Variants in MVD observed in about 807,000 individuals in gnomAD.
MVD encodes the protein diphosphomevalonate decarboxylase.
A neutral mutation model predicts 42.4 loss-of-function variants in MVD; 52 were observed. The observed-to-expected ratio is 1.23, with a 90% CI of 0.98 to 1.55. MVD has a LOEUF of 1.55. MVD is among the 40% of genes most tolerant of loss of function. The probability of loss-of-function intolerance (pLI) is 0.00; values close to 1 mark genes in which losing one functional copy is unlikely to be tolerated. For synonymous variants in MVD, 287 were observed against 243.2 expected (o/e 1.18, Z -1.68); for missense variants, 663 against 572.1 (o/e 1.16, Z -1.62).
intron 4 of MVD, chr16:88,656,520 C>T (rs1222700281): frequency 3.3e-6 from 2 of 603,156 alleles, no homozygotes; most frequent in South Asian, 2.0e-5. Context: ...CTGTTCACGG[C>T]CTGCAGAGCT....
Position 88,652,498 on chromosome 16 carries a change from A to G in MVD, c.*27T>C. 1 of 1,554,316 alleles carries G rather than the reference A, an allele frequency of 6.4e-7. No homozygotes were observed. The highest frequency in any genetic ancestry group is 8.7e-7 in the Non-Finnish European group (1 of 1,148,914). On this transcript the variant is annotated 3_prime_UTR_variant, in exon 10 of 10. Coordinates refer to ENST00000301012, the MANE Select transcript of MVD (RefSeq NM_002461.3). Reference sequence around the variant, plus strand: ...CTCCGGCGAGGCCACCCCTTCTCCAAGCGGCATGCGGTCCCTGCTGAGGCA... The same window carrying G: ...CTCCGGCGAGGCCACCCCTTCTCCAGGCGGCATGCGGTCCCTGCTGAGGCA...
rs535132840 is a variant in MVD at position 88,652,835 on chromosome 16, G to A, written c.1123-230C>T. ...CTGGGCACTGCTTCTGTCACAGGGGGGACAGAGAACCACAGAGCCTGGGAA... is the reference window on the plus strand; with the variant it reads ...CTGGGCACTGCTTCTGTCACAGGGGAGACAGAGAACCACAGAGCCTGGGAA... On this transcript the variant is annotated intron_variant, in intron 9 of 9. Coordinates refer to ENST00000301012, the MANE Select transcript of MVD (RefSeq NM_002461.3). Among the ~76,000 whole-genome samples, 7 of 152,310 alleles carry A rather than the reference G, an allele frequency of 4.6e-5. No homozygotes were observed. In the South Asian group the frequency reaches 1.5e-3, roughly 32 times the overall value.
At chr16:88,662,989 C>A in intron 1 of MVD, 22 bp downstream of exon 1, 2 of 1,589,104 alleles carry the variant, frequency 1.3e-6, no homozygotes, top group East Asian at 2.3e-5. Flanking sequence ...ATCCCCGTCC[C>A]AGGCCGGCCC....
In MVD at chr16:88,656,134, A is replaced by G. The variant is rs780120979; in HGVS notation, c.574T>C (p.Trp192Arg). 1.7e-5 allele frequency: 27 copies of G among 1,600,436 alleles called. No homozygotes were observed. The highest frequency in any genetic ancestry group is 2.2e-5 in the Non-Finnish European group (26 of 1,179,152). The stretch of plus-strand genomic sequence containing the variant: ...AGGATGAGCACGCGGAGTTCAGGCC[A>G]GTGTGACTCGGGGGCCACTTGCCGA... ...IARQVAPESH[W>R]PELRVLILVV... The change falls in exon 5 of 10, where the codon TGG becomes CGG. Residue 192 changes from tryptophan (W) to arginine (R), a missense_variant. Trp to Arg is a moderately radical substitution (Grantham distance 101). Transcript: ENST00000301012.
At chr16:88,658,050 C>T in intron 2 of MVD, 21 bp from the exon 3 acceptor site, 4 of 1,610,912 alleles carry the variant, frequency 2.5e-6, no homozygotes, top group Non-Finnish European at 3.4e-6. Context: ...AACCCAGGGC[C>T]ACCTCAGAGG....
chr16:88,662,975 G>C (rs923899632), intron 1 of MVD, 36 bp downstream of exon 1: 1 of 1,579,228 alleles, frequency 6.3e-7, no homozygotes, highest in Non-Finnish European at 8.6e-7. Flanking sequence ...CCTCGCTCCC[G>C]GCCATCCCCG....
At position 88,657,780 on chromosome 16, in the gene MVD, C is replaced by T. The variant is rs1908027372; in HGVS notation, c.256+135G>A. 7.3e-6 allele frequency: 9 copies of T among 1,229,206 alleles called. 1 individual carries two copies. The South Asian group carries it at 8.5e-5, about 12-fold the overall frequency. The allele number at this position is 1,229,206 out of a possible 1,614,324, so 76.1% of individuals were successfully genotyped here. ...AGGTGGGCCACTGCCCTGGAGCTGG[C>T]GGCCCAGCGGGCATGTCTGGTTCCC... On this transcript the variant is annotated intron_variant, in intron 3 of 9. Transcript: ENST00000301012.
In MVD at chr16:88,655,754, G is replaced by A. The variant is rs564206666; in HGVS notation, c.604-24C>T. 10 of 1,550,210 alleles carry A rather than the reference G, an allele frequency of 6.5e-6. No individual in the cohort carries two copies. The Admixed American group carries it at 7.8e-5, about 12-fold the overall frequency. On this transcript the variant is annotated intron_variant, in intron 5 of 9. Transcript: ENST00000301012. The stretch of plus-strand genomic sequence containing the variant: ...ACCTGCACGAGGGAGAGACAGCCTG[G>A]GCCACACCCTGCAGGGGGCCAGCCC...
Position 88,657,351 on chromosome 16 carries a change from C to T in MVD, c.403+85G>A. ...GGGATGCTCTTTTAGCCACGCCCAGCAGTGGGCTCCCTGACCCGGGAAGAG... is the reference window on the plus strand; with the variant it reads ...GGGATGCTCTTTTAGCCACGCCCAGTAGTGGGCTCCCTGACCCGGGAAGAG... On this transcript the variant is annotated intron_variant, in intron 4 of 9. Coordinates refer to ENST00000301012, the MANE Select transcript of MVD (RefSeq NM_002461.3). 10 of 1,513,184 alleles carry T rather than the reference C, an allele frequency of 6.6e-6. No homozygotes were observed. The South Asian group carries it at 1.2e-4, about 19-fold the overall frequency. 93.7% of individuals were successfully genotyped at this position (1,513,184 alleles called of 1,614,324 possible).
chr16:88,654,570 G>T, intron 8 of MVD, 122 bp downstream of exon 8: 1 of 947,096 alleles, frequency 1.1e-6, no homozygotes. Flanking sequence ...ACACTCGGGG[G>T]ACTGCTGCCT....
At chr16:88,662,783 T>C in intron 1 of MVD, 1 of 1,479,474 alleles carries the variant, frequency 6.8e-7, no homozygotes. Context: ...CGGGCGACCC[T>C]GCAGGGGCGG....
At position 88,654,540 on chromosome 16, in the gene MVD, A is replaced by C. The variant is rs959287491; in HGVS notation, c.1013+152T>G. Reference sequence around the variant, plus strand: ...TGGGCTGTGGGATGGCTCTATGGGGACACCCTGCCCGTGGCTCCCACACTC... The same window carrying C: ...TGGGCTGTGGGATGGCTCTATGGGGCCACCCTGCCCGTGGCTCCCACACTC... On this transcript the variant is annotated intron_variant, in intron 8 of 9. Coordinates refer to ENST00000301012, the MANE Select transcript of MVD (RefSeq NM_002461.3). 6 of 690,052 alleles carry C rather than the reference A, an allele frequency of 8.7e-6. No homozygotes were observed. The African/African-American group carries it at 9.5e-5, about 11-fold the overall frequency. The allele number at this position is 690,052 out of a possible 1,614,324, so 42.7% of individuals were successfully genotyped here. A position where few individuals can be genotyped will look rare whatever the true frequency, so the allele number is the denominator to read the frequency against.
At chr16:88,658,988 C>T (rs1420074356) in intron 1 of MVD, 3 of 477,538 alleles carry the variant, frequency 6.3e-6, no homozygotes, top group South Asian at 2.1e-5. Flanking sequence ...CTCCAGCATC[C>T]GTGAGTGCCC....
Position 88,658,842 on chromosome 16 carries a change from CACA to C in MVD, c.71-125_71-123del, listed in dbSNP as rs1370665830. On this transcript the variant is annotated intron_variant, in intron 1 of 9. Transcript: ENST00000301012. ...TCCGCCTCAGTCCCGTCTCTCACCG[CACA>C]ACCTGTGTGCCCCTCCTCCTGCCAG... 9 of 775,720 alleles carry C rather than the reference CACA, an allele frequency of 1.2e-5. No individual in the cohort carries two copies. In the East Asian group the frequency reaches 2.3e-4, roughly 20 times the overall value. The allele number at this position is 775,720 out of a possible 1,614,324, so 48.1% of individuals were successfully genotyped here.
Position 88,652,462 on chromosome 16 carries a change from C to T in MVD, c.*63G>A. 1.3e-6 allele frequency: 2 copies of T among 1,526,356 alleles called. No individual in the cohort carries two copies. Among genetic ancestry groups the T allele is most frequent in the Admixed American group, 2.0e-5 (1 of 50,972 alleles). 94.6% of individuals were successfully genotyped at this position (1,526,356 alleles called of 1,614,324 possible). On this transcript the variant is annotated 3_prime_UTR_variant, in exon 10 of 10. Transcript: ENST00000301012. The stretch of plus-strand genomic sequence containing the variant: ...CAGGAGTCCGGCCAGCCCACCACAT[C>T]CGCTCCCTAGCTCCGGCGAGGCCAC...
chr16:88,654,729 C>T lies in MVD; in HGVS notation c.976G>A (p.Val326Met). 6.2e-7 allele frequency: 1 copy of T among 1,603,112 alleles called. No homozygotes were observed. Among genetic ancestry groups the T allele is most frequent in the Non-Finnish European group, 8.5e-7 (1 of 1,176,672 alleles). ...DDTVAEFVAA[V>M]WHGFPPGSNG... ...GAGCCTGGGGGAAAGCCGTGCCACA[C>T]AGCAGCCACAAACTCAGCCACAGTG... The change falls in exon 8 of 10, where the codon GTG becomes ATG. Residue 326 changes from valine (V) to methionine (M), a missense_variant. Coordinates refer to ENST00000301012, the MANE Select transcript of MVD (RefSeq NM_002461.3).
chr16:88,662,654 G>T, intron 1 of MVD: 1 of 1,263,492 alleles, frequency 7.9e-7, no homozygotes, highest in Non-Finnish European at 1.0e-6. Flanking sequence ...CCATCCTCCC[G>T]CCTCAGCCTC....
rs759025660 is a variant in MVD, at chr16:88,663,003, G to C, written c.70+8C>G. 6.3e-7 allele frequency: 1 copy of C among 1,597,948 alleles called. No homozygotes were observed. The highest frequency in any genetic ancestry group is 2.3e-5 in the East Asian group (1 of 43,862). ...CATCCCCGTCCCAGGCCGGCCCGCGGCACTCACAGTACTTGATGACCGCGA... is the reference window on the plus strand; with the variant it reads ...CATCCCCGTCCCAGGCCGGCCCGCGCCACTCACAGTACTTGATGACCGCGA... On this transcript the variant is annotated splice_region_variant and intron_variant, in intron 1 of 9. Transcript: ENST00000301012.
chr16:88,655,960 A>G, intron 5 of MVD, 145 bp downstream of exon 5: 4 of 1,248,164 alleles, frequency 3.2e-6, no homozygotes, highest in Non-Finnish European at 4.4e-6. Flanking sequence ...CTGAGCACTC[A>G]ACCACGCTTC....
Sources: gnomAD v4.1 joint callset for allele counts (sites outside exome capture counted in the v4.1 genomes callset) on GRCh38, gnomAD v4.1.1 for gene constraint, MANE v1.5 for transcripts, NCBI Gene and HGNC (gene_info 2026-07-23, HGNC 2026-07-21) for gene names.